The following CTNNA3 variants were observed in gnomAD, a reference collection of about 807,000 sequenced individuals.
CTNNA3 encodes the protein catenin alpha 3, also known as catenin alpha-3.
Under a neutral mutation model 95.7 loss-of-function variants are expected in CTNNA3, and 76 were observed. The observed-to-expected ratio is 0.79, with a 90% CI of 0.66 to 0.96. CTNNA3 has a LOEUF of 0.96. Ranked by LOEUF, CTNNA3 falls within the 40% of genes least tolerant of loss-of-function variation. The pLI, the probability that CTNNA3 is intolerant of heterozygous loss-of-function variation, is 0.00. For missense variants in CTNNA3, 1,191 were observed against 1,089.8 expected (o/e 1.09, Z -1.31); for synonymous variants, 431 against 374.4 (o/e 1.15, Z -1.74).
chr10:66,361,464 CTCTT>C (rs58098515), intron 12 of CTNNA3, among the ~76,000 whole-genome samples: 13,022 of 143,658 alleles, frequency 0.091, 692 homozygotes, highest in East Asian at 0.21. Context: ...CTTTATCTTT[CTCTT>C]TCTTTCTTTC....
Position 67,740,803 on chromosome 10 carries a change from T to C in CTNNA3, c.-2+22631A>G, listed in dbSNP as rs960801538. 6.6e-5 allele frequency among the ~76,000 whole-genome samples: 10 copies of C among 151,374 alleles called. 1 individual carries two copies. The highest frequency in any genetic ancestry group is 1.0e-4 in the Non-Finnish European group (7 of 67,776). On this transcript the variant is annotated intron_variant, in intron 1 of 17. Coordinates refer to the CTNNA3 transcript ENST00000684154. ...ATACCATTTGACCCAGCCATCCCAT[T>C]ACTGGGTAAATATCCAAAGGACTAT... is the stretch of plus-strand genomic sequence containing the variant.
At chr10:67,589,127 T>A (rs1842721804) in intron 3 of CTNNA3, among the ~76,000 whole-genome samples, 1 of 152,136 alleles carries the variant, frequency 6.6e-6, no homozygotes, top group Non-Finnish European at 1.5e-5. Flanking sequence ...TTATCTGTAT[T>A]CATATGAGGG....
intron 1 of CTNNA3, among the ~76,000 whole-genome samples, chr10:67,651,572 AAAT>A (rs1193632473): frequency 1.3e-5 from 2 of 152,238 alleles, no homozygotes; most frequent in African/African-American, 4.8e-5. Flanking sequence ...ATACTGTTAC[AAAT>A]CTCTTTCCAG....
chr10:67,680,759 A>G (rs1840611404), intron 1 of CTNNA3, among the ~76,000 whole-genome samples: 1 of 152,218 alleles, frequency 6.6e-6, no homozygotes, highest in African/African-American at 2.4e-5. Flanking sequence ...TTTATAAATG[A>G]CTTTTTAAAA....
rs149496813 is a variant in CTNNA3, at chr10:67,740,516, G to C, written c.-2+22918C>G. Among the ~76,000 whole-genome samples the C allele has an allele frequency of 5.4e-3, 817 of 151,388 alleles. 27 individuals carry two copies. Among genetic ancestry groups the C allele is most frequent in the African/African-American group, 0.019 (773 of 41,376 alleles). On this transcript the variant is annotated intron_variant, in intron 1 of 17. Transcript: ENST00000684154. The stretch of plus-strand genomic sequence containing the variant: ...GGGCAAAGGACATGAACAGACACTT[G>C]TCAACAGAAGACATTTATGCGGCCA...
intron 3 of CTNNA3, among the ~76,000 whole-genome samples, chr10:67,601,406 C>G (rs1281748234): frequency 1.3e-5 from 2 of 152,098 alleles, no homozygotes; most frequent in Non-Finnish European, 2.9e-5. Context: ...GGCTCACACT[C>G]CTATGAGAAT....
At chr10:66,938,060 T>G (rs1847807449) in intron 7 of CTNNA3, among the ~76,000 whole-genome samples, 1 of 152,188 alleles carries the variant, frequency 6.6e-6, no homozygotes, top group African/African-American at 2.4e-5. Flanking sequence ...ATTGATTTTC[T>G]GGTCATTATT....
rs1410873533 is a variant in CTNNA3, at chr10:66,620,615, AGAGAC to A, written c.1374+1072_1374+1076del. Among the ~76,000 whole-genome samples, 3 of 152,310 alleles carry A rather than the reference AGAGAC, an allele frequency of 2.0e-5. No individual in the cohort carries two copies. In the East Asian group the frequency reaches 5.8e-4, roughly 29 times the overall value. ...GGAGTATATTTCATTCAACTACTTTAGAGACCTCATTGCAGTATTCTGTTCCCTCT... is the reference window on the plus strand; with the variant it reads ...GGAGTATATTTCATTCAACTACTTTACTCATTGCAGTATTCTGTTCCCTCT... On this transcript the variant is annotated intron_variant, in intron 10 of 17. Coordinates refer to ENST00000433211, the MANE Select transcript of CTNNA3 (RefSeq NM_013266.4).
At chr10:66,399,158 C>T (rs995333362) in intron 11 of CTNNA3, among the ~76,000 whole-genome samples, 2 of 151,854 alleles carry the variant, frequency 1.3e-5, no homozygotes, top group Non-Finnish European at 2.9e-5. Context: ...TTGCTTTCTT[C>T]ATACAATTTC....
intron 13 of CTNNA3, among the ~76,000 whole-genome samples, chr10:66,103,679 C>A (rs570002808): frequency 1.3e-5 from 2 of 152,032 alleles, no homozygotes; most frequent in African/African-American, 4.8e-5. Context: ...ATTGGCAAAT[C>A]TATAGCAATA....
At chr10:67,481,698 T>G (rs1848235813) in intron 5 of CTNNA3, among the ~76,000 whole-genome samples, 1 of 152,188 alleles carries the variant, frequency 6.6e-6, no homozygotes, top group African/African-American at 2.4e-5. Context: ...ATTTTGTAGG[T>G]TGCCTGTTCA....
chr10:67,669,712 T>C lies in CTNNA3; in HGVS notation c.-5-22194A>G, dbSNP rs181270367. On this transcript the variant is annotated intron_variant, in intron 1 of 17. Transcript: ENST00000433211. ...ATTGTTATTTTGTGGAAAGATACTT[T>C]TCTCTTTGTGAAATTCTGCTTTTCA... 7.2e-4 allele frequency among the ~76,000 whole-genome samples: 110 copies of C among 152,354 alleles called. 1 individual carries two copies. The highest frequency in any genetic ancestry group is 2.5e-3 in the African/African-American group (103 of 41,578).
intron 9 of CTNNA3, among the ~76,000 whole-genome samples, chr10:66,732,494 G>A (rs1267874624): frequency 1.3e-5 from 2 of 152,158 alleles, no homozygotes; most frequent in Non-Finnish European, 1.5e-5. Context: ...AGTTCAGCAT[G>A]GCTGAGGAGG....
chr10:66,931,532 T>C (rs1847393125), intron 7 of CTNNA3, among the ~76,000 whole-genome samples: 1 of 152,224 alleles, frequency 6.6e-6, no homozygotes, highest in Non-Finnish European at 1.5e-5. Flanking sequence ...AAATTGTCTT[T>C]CTATGGAGCA....
chr10:65,967,052 G>A (rs1480210447), intron 16 of CTNNA3, among the ~76,000 whole-genome samples: 1 of 152,096 alleles, frequency 6.6e-6, no homozygotes, highest in Non-Finnish European at 1.5e-5. Context: ...TGCCTCCCGG[G>A]TTCAAGTGAT....
intron 5 of CTNNA3, among the ~76,000 whole-genome samples, chr10:67,385,836 C>CAAA (rs34264491): frequency 1.2e-5 from 1 of 83,596 alleles, no homozygotes. Context: ...TGAAGGATCT[C>CAAA]AAAAAAAAAA....
At chr10:66,112,875 A>G (rs1053040669) in intron 13 of CTNNA3, among the ~76,000 whole-genome samples, 1 of 152,118 alleles carries the variant, frequency 6.6e-6, no homozygotes, top group Non-Finnish European at 1.5e-5. Flanking sequence ...TCATCTGTCA[A>G]TGAACACTTA....
At chr10:67,652,130 G>A (rs3096245) in intron 1 of CTNNA3, among the ~76,000 whole-genome samples, 5,434 of 152,286 alleles carry the variant, frequency 0.036, 96 homozygotes, top group Middle Eastern at 0.079. Flanking sequence ...CTGTATCTTC[G>A]CATGGCAGAT....
At position 66,251,723 on chromosome 10, in the gene CTNNA3, CTATT is replaced by C. The variant is rs1221038596; in HGVS notation, c.1884+28743_1884+28746del. The stretch of plus-strand genomic sequence containing the variant: ...TAGAATATAAGAAGTGCTAATTACT[CTATT>C]TAACATGATAGCTCAGAAATTAGAA... On this transcript the variant is annotated intron_variant, in intron 13 of 17. Transcript: ENST00000433211. Among the ~76,000 whole-genome samples the C allele has an allele frequency of 3.9e-5, 6 of 152,226 alleles. No homozygotes were observed. The East Asian group carries it at 7.7e-4, about 20-fold the overall frequency.
Sources: allele counts gnomAD v4.1 joint callset (sites outside exome capture counted in the v4.1 genomes callset), GRCh38; gene constraint gnomAD v4.1.1; transcripts MANE v1.5; gene names NCBI Gene and HGNC (gene_info 2026-07-23, HGNC 2026-07-21).